Variants in ATXN10 observed in about 807,000 individuals in gnomAD.
ATXN10 encodes the protein ataxin-10.
ATXN10 carries 28 observed loss-of-function variants against 52.9 expected under a neutral mutation model. The ratio of observed to expected loss-of-function variants is 0.53; its 90% CI spans 0.39 to 0.73. The LOEUF is 0.73. Ranked by LOEUF, ATXN10 falls within the 30% of genes least tolerant of loss-of-function variation. The pLI is 0.00. For synonymous variants in ATXN10, 226 were observed against 221.5 expected (o/e 1.02, Z -0.18); for missense variants, 565 against 577.0 (o/e 0.98, Z 0.21).
At position 45,684,678 on chromosome 22, in the gene ATXN10, C is replaced by A. The variant is rs1395492768; in HGVS notation, c.117-5034C>A. On this transcript the variant is annotated intron_variant, in intron 1 of 11. Transcript: ENST00000252934. This position sits in a 1 kb window ranked among gnomAD's most constrained non-coding sequence, Gnocchi z 4.1. ...AGAGCTGGAAATATTCACTCTCTGACCCTTTACAGAAAAAGTTTGTGACCC... is the reference window on the plus strand; with the variant it reads ...AGAGCTGGAAATATTCACTCTCTGAACCTTTACAGAAAAAGTTTGTGACCC... Among the ~76,000 whole-genome samples the A allele has an allele frequency of 7.2e-5, 11 of 152,234 alleles. No individual in the cohort carries two copies. Among genetic ancestry groups the A allele is most frequent in the African/African-American group, 2.6e-4 (11 of 41,526 alleles).
At chr22:45,699,917 G>A in intron 3 of ATXN10, among the ~76,000 whole-genome samples, 1 of 150,876 alleles carries the variant, frequency 6.6e-6, no homozygotes, top group Non-Finnish European at 1.5e-5. Context: ...CGTGATCTTG[G>A]CCCACTGCAA....
chr22:45,726,412 T>C (rs1429322896), intron 6 of ATXN10, among the ~76,000 whole-genome samples: 1 of 152,202 alleles, frequency 6.6e-6, no homozygotes, highest in African/African-American at 2.4e-5. Flanking sequence ...TCCAGAGATT[T>C]GTTCATTTCC....
At chr22:45,726,161 C>A (rs1186836445) in intron 6 of ATXN10, among the ~76,000 whole-genome samples, 2 of 152,242 alleles carry the variant, frequency 1.3e-5, no homozygotes, top group Admixed American at 1.3e-4. Flanking sequence ...GTGATACTGG[C>A]TTCATAGAGT....
intron 3 of ATXN10, among the ~76,000 whole-genome samples, chr22:45,694,940 CAAAA>C (rs748780048): frequency 1.4e-4 from 3 of 21,922 alleles, no homozygotes; most frequent in African/African-American, 4.4e-4. Flanking sequence ...GACTCTGTCT[CAAAA>C]AAAAAAAAAA....
chr22:45,827,485 G>A (rs956015203), intron 10 of ATXN10, among the ~76,000 whole-genome samples: 5 of 152,134 alleles, frequency 3.3e-5, no homozygotes, highest in African/African-American at 4.8e-5. Context: ...TAAGGAAGTG[G>A]TAAGAGAGAG....
chr22:45,729,702 A>G, intron 7 of ATXN10, 112 bp downstream of exon 7: 1 of 1,162,342 alleles, frequency 8.6e-7, no homozygotes, highest in South Asian at 1.3e-5. Flanking sequence ...ATATTATGTA[A>G]GTAATGTATC....
chr22:45,827,176 T>C (rs1928844728), intron 10 of ATXN10, among the ~76,000 whole-genome samples: 1 of 146,794 alleles, frequency 6.8e-6, no homozygotes, highest in South Asian at 2.2e-4. Context: ...CACACACGGC[T>C]ATAGAATATA....
chr22:45,793,831 A>G, intron 9 of ATXN10: 1 of 1,302,544 alleles, frequency 7.7e-7, no homozygotes, highest in Non-Finnish European at 9.8e-7. Flanking sequence ...TTTGCCCGGG[A>G]AATAATTCAA....
At chr22:45,720,507 T>C (rs1158614467) in intron 6 of ATXN10, among the ~76,000 whole-genome samples, 1 of 152,116 alleles carries the variant, frequency 6.6e-6, no homozygotes, top group Non-Finnish European at 1.5e-5. Flanking sequence ...AGACTACCAT[T>C]GTAACCATTT....
chr22:45,756,778 T>C (rs1926188494), intron 9 of ATXN10, among the ~76,000 whole-genome samples: 1 of 152,178 alleles, frequency 6.6e-6, no homozygotes, highest in Non-Finnish European at 1.5e-5. Context: ...CTCTCAGACA[T>C]TGAATAATTG....
intron 4 of ATXN10, among the ~76,000 whole-genome samples, chr22:45,702,079 C>G (rs1719841196): frequency 6.6e-6 from 1 of 152,068 alleles, no homozygotes; most frequent in African/African-American, 2.4e-5. Context: ...CTAACAAATT[C>G]TTTATCTGAA....
In ATXN10 at chr22:45,733,085, T is replaced by C. The variant is rs1421213700; in HGVS notation, c.894+3495T>C. On this transcript the variant is annotated intron_variant, in intron 7 of 11. Transcript: ENST00000252934. This position sits in a 1 kb window ranked among gnomAD's most constrained non-coding sequence, Gnocchi z 4.4. The stretch of plus-strand genomic sequence containing the variant: ...GTATACTTGTTTCCAGTTTTTGATA[T>C]ATTTTTGTCAGTTCAGAATCTTGTT... Among the ~76,000 whole-genome samples, 2 of 152,222 alleles carry C rather than the reference T, an allele frequency of 1.3e-5. No individual in the cohort carries two copies. The highest frequency in any genetic ancestry group is 2.9e-5 in the Non-Finnish European group (2 of 68,030).
chr22:45,791,714 T>C (rs1031379405), intron 9 of ATXN10, among the ~76,000 whole-genome samples: 2 of 152,182 alleles, frequency 1.3e-5, no homozygotes, highest in Admixed American at 1.3e-4. Context: ...GGGGATCTAT[T>C]TTCATAAGTT....
chr22:45,764,609 C>G (rs1405584442), intron 9 of ATXN10, among the ~76,000 whole-genome samples: 1 of 152,176 alleles, frequency 6.6e-6, no homozygotes, highest in Non-Finnish European at 1.5e-5. Context: ...ATAGAGTTTT[C>G]TCTTTTTTGG....
At chr22:45,782,901 A>G (rs547160353) in intron 9 of ATXN10, among the ~76,000 whole-genome samples, 59 of 152,216 alleles carry the variant, frequency 3.9e-4, no homozygotes, top group Non-Finnish European at 7.1e-4. Flanking sequence ...CCTGTGATAA[A>G]GTTTAATTTA....
At chr22:45,822,523 A>ATTTTT (rs763159693) in intron 10 of ATXN10, among the ~76,000 whole-genome samples, 71 of 96,578 alleles carry the variant, frequency 7.4e-4, no homozygotes, top group Non-Finnish European at 9.8e-4. Flanking sequence ...AATTTCTCCA[A>ATTTTT]TTTTTTTTTT....
intron 4 of ATXN10, among the ~76,000 whole-genome samples, chr22:45,700,890 G>C (rs1020362648): frequency 6.6e-6 from 1 of 152,176 alleles, no homozygotes; most frequent in Non-Finnish European, 1.5e-5. Flanking sequence ...TAAGAAGTGA[G>C]TAACCAGTCC....
Position 45,732,863 on chromosome 22 carries a change from C to G in ATXN10, c.894+3273C>G, listed in dbSNP as rs1487898664. On this transcript the variant is annotated intron_variant, in intron 7 of 11. Transcript: ENST00000252934. The surrounding 1 kb of genome is among the most constrained non-coding windows in gnomAD (Gnocchi z 4.5). ...TTACTCATTGGTGATCTTTTTAGGA[C>G]AAGATAGATATTCAGTAAAGTTCTC... Among the ~76,000 whole-genome samples the G allele has an allele frequency of 1.3e-5, 2 of 152,084 alleles. No homozygotes were observed. The highest frequency in any genetic ancestry group is 4.8e-5 in the African/African-American group (2 of 41,408).
chr22:45,737,772 C>T (rs898084046), intron 7 of ATXN10, among the ~76,000 whole-genome samples: 1 of 145,518 alleles, frequency 6.9e-6, no homozygotes. Context: ...GATCTTGGCT[C>T]ACTGCAACCT....
Sources: allele counts gnomAD v4.1 joint callset (sites outside exome capture counted in the v4.1 genomes callset), GRCh38; gene constraint gnomAD v4.1.1; non-coding constraint Gnocchi (gnomAD v3.1); transcripts MANE v1.5; gene names NCBI Gene and HGNC (gene_info 2026-07-23, HGNC 2026-07-21).